Variants in PRKG1 observed in about 807,000 individuals in gnomAD.
PRKG1 encodes protein kinase cGMP-dependent 1, also known as cGMP-dependent protein kinase 1.
PRKG1 carries 35 observed loss-of-function variants against 88.1 expected under a neutral mutation model. The ratio of observed to expected loss-of-function variants is 0.40; its 90% confidence interval spans 0.30 to 0.53. The LOEUF (loss-of-function observed/expected upper bound fraction) is 0.53, where lower values mean the gene tolerates loss of function less well. Ranked by LOEUF, PRKG1 falls within the 20% of genes least tolerant of loss-of-function variation. PRKG1 has a pLI of 0.59. For missense variants in PRKG1, 540 were observed against 839.8 expected, an observed-to-expected ratio of 0.64 and a Z score of 4.41; for synonymous variants, 303 against 292.5, an observed-to-expected ratio of 1.04 and a Z score of -0.37.
At chr10:51,845,497 A>G (rs1165563290) in intron 4 of PRKG1, among the ~76,000 whole-genome samples, 1 of 152,194 alleles carries the variant, frequency 6.6e-6, no homozygotes, top group Non-Finnish European at 1.5e-5. Flanking sequence ...AAAGTCCTTA[A>G]CCCATGGTTT....
intron 3 of PRKG1, among the ~76,000 whole-genome samples, chr10:51,680,188 A>G (rs966346789): frequency 6.6e-6 from 1 of 152,116 alleles, no homozygotes; most frequent in African/African-American, 2.4e-5. Flanking sequence ...CTTCATCCGG[A>G]TAAAAGGTAG....
chr10:51,504,721 CT>C (rs1236286595), intron 3 of PRKG1, among the ~76,000 whole-genome samples: 3 of 152,022 alleles, frequency 2.0e-5, no homozygotes, highest in Non-Finnish European at 4.4e-5. Flanking sequence ...GTATTTTATT[CT>C]CTTTGAAGCA....
chr10:51,352,277 C>A (rs1842266587), intron 2 of PRKG1, among the ~76,000 whole-genome samples: 1 of 150,886 alleles, frequency 6.6e-6, no homozygotes, highest in South Asian at 2.1e-4. Flanking sequence ...TTTTCTAATT[C>A]TGTGAAGAAA....
rs552419565 is a variant in PRKG1, at chr10:51,083,091, C to A, written c.311+8190C>A. Among the ~76,000 whole-genome samples the A allele has an allele frequency of 2.0e-5, 3 of 152,222 alleles. No homozygotes were observed. In the East Asian group the frequency reaches 5.8e-4, roughly 29 times the overall value. On this transcript the variant is annotated intron_variant, in intron 1 of 17. Transcript: ENST00000373980. ...CCTTTCTTGTTTCTTTTTGAGCAAC[C>A]CAAGTCCCTGGCTTGCAGTGGAGCC...
chr10:51,636,222 A>C (rs998348178), intron 3 of PRKG1, among the ~76,000 whole-genome samples: 2 of 152,130 alleles, frequency 1.3e-5, no homozygotes, highest in African/African-American at 2.4e-5. Context: ...AATATATTTG[A>C]CAATTGATTT....
intron 4 of PRKG1, among the ~76,000 whole-genome samples, chr10:51,879,096 A>G (rs1327683949): frequency 6.6e-6 from 1 of 152,162 alleles, no homozygotes; most frequent in Non-Finnish European, 1.5e-5. Context: ...GGAGATAGAA[A>G]GAAACCAGCA....
At chr10:51,685,067 CA>C (rs1439734336) in intron 3 of PRKG1, among the ~76,000 whole-genome samples, 1 of 152,028 alleles carries the variant, frequency 6.6e-6, no homozygotes, top group African/African-American at 2.4e-5. Flanking sequence ...CACTGTTGCC[CA>C]AAAATCACAT....
intron 2 of PRKG1, among the ~76,000 whole-genome samples, chr10:51,433,598 G>A (rs191822124): frequency 5.3e-5 from 8 of 152,010 alleles, no homozygotes; most frequent in East Asian, 1.9e-4. Flanking sequence ...CCGAAGGACC[G>A]ATTTTGTAAA....
intron 3 of PRKG1, among the ~76,000 whole-genome samples, chr10:51,693,650 C>T (rs538401588): frequency 1.3e-5 from 2 of 152,252 alleles, no homozygotes; most frequent in South Asian, 4.1e-4. Context: ...GATCTGCCCA[C>T]CTCAGCCTCC....
intron 2 of PRKG1, among the ~76,000 whole-genome samples, chr10:51,336,832 G>A (rs1248620732): frequency 2.0e-5 from 3 of 152,162 alleles, no homozygotes; most frequent in East Asian, 1.9e-4. Context: ...TGGCCATAAT[G>A]CCCAAAATAA....
intron 9 of PRKG1, among the ~76,000 whole-genome samples, chr10:52,250,302 T>C (rs1406290841): frequency 2.6e-5 from 4 of 152,178 alleles, no homozygotes; most frequent in African/African-American, 7.2e-5. Context: ...AACAATGTTG[T>C]TTTTACCGTC....
chr10:51,159,202 T>G (rs959228211), intron 2 of PRKG1, among the ~76,000 whole-genome samples: 2 of 152,096 alleles, frequency 1.3e-5, no homozygotes, highest in Non-Finnish European at 2.9e-5. Context: ...CAAAGAGGGA[T>G]TTTATATAAA....
Position 51,405,113 on chromosome 10 carries a change from T to C in PRKG1, c.479-62610T>C, listed in dbSNP as rs553938422. 3.5e-3 allele frequency among the ~76,000 whole-genome samples: 531 copies of C among 152,300 alleles called. 1 individual carries two copies. Among genetic ancestry groups the C allele is most frequent in the African/African-American group, 0.012 (509 of 41,566 alleles). On this transcript the variant is annotated intron_variant, in intron 2 of 17. Transcript: ENST00000373980. ...ATTCTATAAATTTGCCTTCATTAAGTGGAGGGCAGTTGGATAATGTTTATT... is the reference window on the plus strand; with the variant it reads ...ATTCTATAAATTTGCCTTCATTAAGCGGAGGGCAGTTGGATAATGTTTATT...
At position 51,661,567 on chromosome 10, in the gene PRKG1, A is replaced by G. The variant is rs185300767; in HGVS notation, c.593-143018A>G. Among the ~76,000 whole-genome samples, 3 of 152,322 alleles carry G rather than the reference A, an allele frequency of 2.0e-5. No individual in the cohort carries two copies. In the East Asian group the frequency reaches 5.8e-4, roughly 29 times the overall value. ...CCAGTTAGAATGGCAATCATTAAAAAGTCAGGAAACAACAGGTGCTGGAAA... is the reference window on the plus strand; with the variant it reads ...CCAGTTAGAATGGCAATCATTAAAAGGTCAGGAAACAACAGGTGCTGGAAA... On this transcript the variant is annotated intron_variant, in intron 3 of 17. Transcript: ENST00000373980.
intron 7 of PRKG1, among the ~76,000 whole-genome samples, chr10:52,073,617 A>G (rs912103967): frequency 3.3e-5 from 5 of 152,182 alleles, no homozygotes; most frequent in Non-Finnish European, 7.3e-5. Context: ...ACTTACAACA[A>G]TCTCCAAATG....
At chr10:51,934,688 G>T (rs11000189) in intron 5 of PRKG1, among the ~76,000 whole-genome samples, 17,264 of 152,146 alleles carry the variant, frequency 0.11, 1,240 homozygotes, top group East Asian at 0.3. Flanking sequence ...TGTCTGTGAC[G>T]TCTGGAGTAG....
At position 52,271,508 on chromosome 10, in the gene PRKG1, G is replaced by C; in HGVS notation, c.1313+19G>C. On this transcript the variant is annotated intron_variant, in intron 11 of 17. Coordinates refer to ENST00000373980, the MANE Select transcript of PRKG1 (RefSeq NM_006258.4). ...TAGTGAGGTAAAGGCTCCATGCCAG[G>C]GACAGACGTACCCAACTCCAAGTGA... The C allele has an allele frequency of 6.2e-7, 1 of 1,607,996 alleles. No individual in the cohort carries two copies. Among genetic ancestry groups the C allele is most frequent in the Non-Finnish European group, 8.5e-7 (1 of 1,176,354 alleles).
intron 2 of PRKG1, among the ~76,000 whole-genome samples, chr10:51,164,104 C>G (rs1161269965): frequency 1.3e-5 from 2 of 152,182 alleles, no homozygotes; most frequent in Non-Finnish European, 2.9e-5. Flanking sequence ...TGAAGTGGGT[C>G]CCTGACCCCT....
chr10:51,522,895 A>T lies in PRKG1; in HGVS notation c.592+55059A>T, dbSNP rs561298960. ...CTTAAGGTGTGAAGGCTTTTAGATT[A>T]TTACTGTATTTATTAAAAACCAAGG... On this transcript the variant is annotated intron_variant, in intron 3 of 17. Transcript: ENST00000373980. Among the ~76,000 whole-genome samples the T allele has an allele frequency of 5.3e-3, 812 of 152,224 alleles. 7 individuals are homozygous for T. Among genetic ancestry groups the T allele is most frequent in the African/African-American group, 0.018 (765 of 41,560 alleles).
Sources: allele counts gnomAD v4.1 joint callset (sites outside exome capture counted in the v4.1 genomes callset), GRCh38; gene constraint gnomAD v4.1.1; transcripts MANE v1.5; gene names NCBI Gene and HGNC (gene_info 2026-07-23, HGNC 2026-07-21).